RNLS: variants seen among roughly 807,000 people sequenced by gnomAD.
RNLS encodes renalase, FAD dependent amine oxidase.
A neutral mutation model predicts 39.8 loss-of-function variants in RNLS; 39 were observed. The observed-to-expected ratio is 0.98, with a 90% CI of 0.76 to 1.28. RNLS has a LOEUF of 1.28. RNLS is among the 50% of genes most tolerant of loss of function. The probability of loss-of-function intolerance (pLI) is 0.00; values close to 1 mark genes in which losing one functional copy is unlikely to be tolerated. For missense variants in RNLS, 410 were observed against 413.3 expected (o/e 0.99, Z 0.07); for synonymous variants, 147 against 150.7 (o/e 0.98, Z 0.18).
At chr10:88,489,750 C>T (rs1844779329) in intron 4 of RNLS, among the ~76,000 whole-genome samples, 1 of 152,182 alleles carries the variant, frequency 6.6e-6, no homozygotes. Flanking sequence ...ATCTGTAAGG[C>T]TCAGTTCATC....
chr10:88,300,458 A>G (rs1844433460), intron 6 of RNLS, among the ~76,000 whole-genome samples: 1 of 152,240 alleles, frequency 6.6e-6, no homozygotes, highest in African/African-American at 2.4e-5. Context: ...CTGAAAAAGT[A>G]CATGTGTTCT....
chr10:88,564,316 T>TACAC (rs5786827), intron 4 of RNLS, among the ~76,000 whole-genome samples: 52 of 149,030 alleles, frequency 3.5e-4, no homozygotes, highest in African/African-American at 1.1e-3. Flanking sequence ...TGACTGCAAA[T>TACAC]ACACACACAC....
At chr10:88,220,899 G>C in the RNLS span, among the ~76,000 whole-genome samples, 1 of 152,218 alleles carries the variant, frequency 6.6e-6, no homozygotes, top group African/African-American at 2.4e-5. Context: ...CTGAGACCCA[G>C]AGAGGTTGCA....
the RNLS span, among the ~76,000 whole-genome samples, chr10:88,185,851 C>T: frequency 6.6e-6 from 1 of 152,242 alleles, no homozygotes; most frequent in Middle Eastern, 3.4e-3. Context: ...TAAAATAAAA[C>T]TGCATCAAAT....
At chr10:88,474,870 A>G (rs921382832) in intron 4 of RNLS, among the ~76,000 whole-genome samples, 60 of 152,178 alleles carry the variant, frequency 3.9e-4, no homozygotes, top group African/African-American at 1.4e-3. Context: ...CCTCATTATT[A>G]AGGCCAGACT....
chr10:88,487,726 C>G (rs1050453221), intron 4 of RNLS, among the ~76,000 whole-genome samples: 2 of 152,060 alleles, frequency 1.3e-5, no homozygotes, highest in Admixed American at 1.3e-4. Context: ...CATTTCAGTC[C>G]AAGGTATTTA....
chr10:88,458,158 C>A (rs1451850114), intron 4 of RNLS, among the ~76,000 whole-genome samples: 1 of 152,172 alleles, frequency 6.6e-6, no homozygotes, highest in African/African-American at 2.4e-5. Flanking sequence ...TTAGCTTTCC[C>A]TTCTAGCAGG....
chr10:88,335,142 G>A (rs1439912379), intron 5 of RNLS, among the ~76,000 whole-genome samples: 1 of 151,748 alleles, frequency 6.6e-6, no homozygotes, highest in Non-Finnish European at 1.5e-5. Flanking sequence ...TAAACTTTAA[G>A]CATAAGCTTC....
At chr10:88,529,530 T>C (rs767746503) in intron 4 of RNLS, among the ~76,000 whole-genome samples, 1 of 152,186 alleles carries the variant, frequency 6.6e-6, no homozygotes, top group Non-Finnish European at 1.5e-5. Context: ...CTCCCAAACA[T>C]CAACACTGTT....
chr10:88,322,869 C>A (rs539833673), intron 5 of RNLS, among the ~76,000 whole-genome samples: 12 of 152,124 alleles, frequency 7.9e-5, no homozygotes, highest in African/African-American at 2.6e-4. Context: ...TGACATGATC[C>A]TATACCTAGA....
the RNLS span, among the ~76,000 whole-genome samples, chr10:88,253,038 G>T: frequency 2.0e-5 from 3 of 152,204 alleles, no homozygotes; most frequent in Non-Finnish European, 4.4e-5. Flanking sequence ...CCCTTAGGCT[G>T]AAGTGAATTT....
intron 5 of RNLS, among the ~76,000 whole-genome samples, chr10:88,353,312 A>G (rs1333381389): frequency 1.3e-5 from 2 of 152,038 alleles, no homozygotes; most frequent in African/African-American, 2.4e-5. Context: ...TAGGGTGTCA[A>G]TTTTAGATCT....
intron 6 of RNLS, among the ~76,000 whole-genome samples, chr10:88,312,737 T>G (rs1242795895): frequency 6.6e-6 from 1 of 152,206 alleles, no homozygotes; most frequent in East Asian, 1.9e-4. Context: ...CTAGATACAT[T>G]TTTAATTTGA....
chr10:88,308,525 G>GA (rs994417288), intron 6 of RNLS, among the ~76,000 whole-genome samples: 17 of 151,712 alleles, frequency 1.1e-4, no homozygotes, highest in African/African-American at 3.4e-4. Flanking sequence ...AAATTCAGAT[G>GA]AAAAAAAAGC....
chr10:88,377,374 A>AACATAAAC (rs1175115446), intron 4 of RNLS, among the ~76,000 whole-genome samples: 1 of 152,212 alleles, frequency 6.6e-6, no homozygotes, highest in African/African-American at 2.4e-5. Flanking sequence ...TGTTCAGAAG[A>AACATAAAC]ACATAAACAA....
the RNLS span, among the ~76,000 whole-genome samples, chr10:88,224,524 T>A: frequency 7.9e-5 from 12 of 152,346 alleles, no homozygotes; most frequent in South Asian, 2.5e-3. Context: ...CTGCCATGTT[T>A]TGGCAGAGAG....
intron 3 of RNLS, among the ~76,000 whole-genome samples, chr10:88,574,003 T>C (rs535380283): frequency 2.0e-4 from 30 of 151,912 alleles, no homozygotes; most frequent in African/African-American, 7.2e-4. Flanking sequence ...TAGCTGGGTA[T>C]GGTAGTGCAT....
At chr10:88,424,595 T>C (rs1377647102) in intron 4 of RNLS, among the ~76,000 whole-genome samples, 2 of 152,072 alleles carry the variant, frequency 1.3e-5, no homozygotes, top group East Asian at 1.9e-4. Context: ...TTCTATCACA[T>C]CTAAAAACAA....
At chr10:88,227,887 A>G in the RNLS span, among the ~76,000 whole-genome samples, 1 of 152,138 alleles carries the variant, frequency 6.6e-6, no homozygotes, top group Non-Finnish European at 1.5e-5. Flanking sequence ...CTAAGATTCC[A>G]AATTCCAGCC....
Sources: gnomAD v4.1 joint callset for allele counts (sites outside exome capture counted in the v4.1 genomes callset) on GRCh38, gnomAD v4.1.1 for gene constraint, MANE v1.5 for transcripts, NCBI Gene and HGNC (gene_info 2026-07-23, HGNC 2026-07-21) for gene names.